Variants in TNRC6B observed in about 807,000 individuals in gnomAD.
The protein encoded by TNRC6B is trinucleotide repeat containing adaptor 6B.
A neutral mutation model predicts 203.6 loss-of-function variants in TNRC6B; 52 were observed. The observed-to-expected ratio is 0.26, with a 90% CI of 0.20 to 0.32. TNRC6B has a LOEUF of 0.32. Among genes scored for constraint, TNRC6B ranks in the 10% least tolerant of loss-of-function variants. TNRC6B has a pLI of 1.00. For synonymous variants in TNRC6B, 838 were observed against 845.7 expected (o/e 0.99, Z 0.16); for missense variants, 1,923 against 2,286.2 (o/e 0.84, Z 3.24).
intron 1 of TNRC6B, among the ~76,000 whole-genome samples, chr22:40,103,299 C>T (rs926506561): frequency 9.9e-5 from 15 of 151,590 alleles, no homozygotes; most frequent in African/African-American, 3.6e-4. Context: ...ACAGTTGTAC[C>T]ATCATCATTC....
At chr22:40,179,045 G>C (rs2069101011) in intron 1 of TNRC6B, among the ~76,000 whole-genome samples, 1 of 152,166 alleles carries the variant, frequency 6.6e-6, no homozygotes, top group Non-Finnish European at 1.5e-5. Context: ...TCGTGTGAGT[G>C]TGTGGTTGCC....
At chr22:40,283,614 C>T (rs937291550) in intron 11 of TNRC6B, among the ~76,000 whole-genome samples, 26 of 152,060 alleles carry the variant, frequency 1.7e-4, no homozygotes, top group Admixed American at 7.9e-4. Context: ...AAGTTACAGA[C>T]GAGGCATTTT....
rs537614979 is a variant in TNRC6B at position 40,061,860 on chromosome 22, C to T, written c.-121+16862C>T. On this transcript the variant is annotated intron_variant, in intron 1 of 23. Transcript: ENST00000301923. The stretch of plus-strand genomic sequence containing the variant: ...AGGCCAAGGTGGGTGGATCATCTGA[C>T]GTCAGGAGTTCGAGACCAGCCTAGC... Among the ~76,000 whole-genome samples, 13 of 151,804 alleles carry T rather than the reference C, an allele frequency of 8.6e-5. 1 individual carries two copies. The highest frequency in any genetic ancestry group is 6.2e-4 in the South Asian group (3 of 4,814).
intron 19 of TNRC6B, among the ~76,000 whole-genome samples, chr22:40,313,527 A>T (rs1220650407): frequency 1.3e-5 from 2 of 152,196 alleles, no homozygotes; most frequent in Non-Finnish European, 2.9e-5. Context: ...GTTGGTGGAT[A>T]TAATAAAGGC....
chr22:40,094,982 C>T (rs1032341382), intron 1 of TNRC6B, among the ~76,000 whole-genome samples: 1 of 152,174 alleles, frequency 6.6e-6, no homozygotes, highest in African/African-American at 2.4e-5. Context: ...TAAGCATCAA[C>T]ACTCTTTCCA....
intron 1 of TNRC6B, among the ~76,000 whole-genome samples, chr22:40,212,965 T>C (rs1045350139): frequency 1.3e-5 from 2 of 152,216 alleles, no homozygotes; most frequent in African/African-American, 4.8e-5. Flanking sequence ...AATTTTTAAA[T>C]TGAATTTCAG....
At chr22:40,051,234 G>GAC (rs1225340752) in intron 1 of TNRC6B, among the ~76,000 whole-genome samples, 1 of 152,102 alleles carries the variant, frequency 6.6e-6, no homozygotes, top group Non-Finnish European at 1.5e-5. Flanking sequence ...TGCTGAAGAG[G>GAC]ACACCAATCC....
At chr22:40,255,592 G>T (rs1037307853) in intron 3 of TNRC6B, among the ~76,000 whole-genome samples, 1 of 152,168 alleles carries the variant, frequency 6.6e-6, no homozygotes, top group Non-Finnish European at 1.5e-5. Context: ...GTGAATGAAC[G>T]TGAGGTATTA....
intron 3 of TNRC6B, among the ~76,000 whole-genome samples, chr22:40,141,793 G>T (rs1277052549): frequency 6.6e-6 from 1 of 151,686 alleles, no homozygotes; most frequent in African/African-American, 2.4e-5. Context: ...GTTTTTTCTT[G>T]AGTCAGTGTC....
At chr22:40,138,241 A>G (rs2068616980) in intron 3 of TNRC6B, among the ~76,000 whole-genome samples, 1 of 152,172 alleles carries the variant, frequency 6.6e-6, no homozygotes, top group African/African-American at 2.4e-5. Flanking sequence ...AGATAGAGCA[A>G]GGTATTGGAT....
intron 1 of TNRC6B, among the ~76,000 whole-genome samples, chr22:40,074,353 C>G (rs1028542817): frequency 1.3e-5 from 2 of 151,654 alleles, no homozygotes; most frequent in Non-Finnish European, 1.5e-5. Flanking sequence ...TAGTACATTT[C>G]AAGATGGTGG....
intron 1 of TNRC6B, among the ~76,000 whole-genome samples, chr22:40,065,115 G>A (rs1229560479): frequency 6.6e-6 from 1 of 151,810 alleles, no homozygotes; most frequent in East Asian, 1.9e-4. Context: ...TTTGGAGGGT[G>A]GGGGTGGAGG....
At chr22:40,215,343 C>CGA (rs2069621395) in intron 1 of TNRC6B, among the ~76,000 whole-genome samples, 1 of 152,174 alleles carries the variant, frequency 6.6e-6, no homozygotes, top group Admixed American at 6.5e-5. Flanking sequence ...CCCCCATTCT[C>CGA]TGTGTGTGCT....
intron 1 of TNRC6B, among the ~76,000 whole-genome samples, chr22:40,095,072 A>G (rs1163432098): frequency 1.3e-5 from 2 of 152,026 alleles, no homozygotes; most frequent in Non-Finnish European, 2.9e-5. Context: ...GAGGCCGTAC[A>G]CTCCAGAAAT....
intron 1 of TNRC6B, among the ~76,000 whole-genome samples, chr22:40,076,842 A>C (rs998341884): frequency 6.6e-6 from 1 of 152,116 alleles, no homozygotes; most frequent in Non-Finnish European, 1.5e-5. Flanking sequence ...TAAAGCCTTA[A>C]AAAATATCCA....
At chr22:40,118,164 A>G (rs1035280581) in intron 2 of TNRC6B, among the ~76,000 whole-genome samples, 1 of 152,172 alleles carries the variant, frequency 6.6e-6, no homozygotes, top group Non-Finnish European at 1.5e-5. Context: ...TTATGTGCCT[A>G]GTGTATGCAC....
rs776025642 is a variant in TNRC6B at position 40,312,593 on chromosome 22, T to G, written c.4524T>G (p.Gly1508=). The G allele has an allele frequency of 6.2e-7, 1 of 1,613,614 alleles. No individual in the cohort carries two copies. Among genetic ancestry groups the G allele is most frequent in the South Asian group, 1.1e-5 (1 of 91,008 alleles). The change falls in exon 18 of 23, where the codon GGT becomes GGG. Residue 1508 remains glycine, a synonymous_variant. Coordinates refer to ENST00000454349, the MANE Select transcript of TNRC6B (RefSeq NM_001162501.2). The part of the protein sequence containing the change: ...PYVTPGSVLG[G]TATSPIVDTD... ...TCACCCCAGGAAGTGTGCTGGGGGGTACAGCCACATCTCCCATTGTAGATA... is the reference window on the plus strand; with the variant it reads ...TCACCCCAGGAAGTGTGCTGGGGGGGACAGCCACATCTCCCATTGTAGATA...
At chr22:40,045,159 C>CGCGTGGG (rs977673339) in intron 1 of TNRC6B, among the ~76,000 whole-genome samples, 3 of 143,972 alleles carry the variant, frequency 2.1e-5, no homozygotes, top group African/African-American at 7.5e-5. Context: ...CGAGGGAGCG[C>CGCGTGGG]GCGTGGGGCG....
chr22:40,318,691 T>C (rs1704252689), intron 21 of TNRC6B, among the ~76,000 whole-genome samples: 1 of 152,204 alleles, frequency 6.6e-6, no homozygotes, highest in Non-Finnish European at 1.5e-5. Context: ...GATTATGTTA[T>C]GATGAGATTG....
Sources: gnomAD v4.1 joint callset for allele counts (sites outside exome capture counted in the v4.1 genomes callset) on GRCh38, gnomAD v4.1.1 for gene constraint, MANE v1.5 for transcripts, NCBI Gene and HGNC (gene_info 2026-07-23, HGNC 2026-07-21) for gene names.